The following CLSTN2 variants were observed in gnomAD, a reference collection of about 807,000 sequenced individuals.
CLSTN2 encodes the protein calsyntenin-2.
CLSTN2 carries 48 observed loss-of-function variants against 101.2 expected under a neutral mutation model. The observed-to-expected ratio is 0.47, with a 90% confidence interval of 0.38 to 0.60. The LOEUF is 0.60. Ranked by LOEUF, CLSTN2 falls within the 20% of genes least tolerant of loss-of-function variation. The pLI is 0.00. For synonymous variants in CLSTN2, 481 were observed against 463.6 expected, an observed-to-expected ratio of 1.04 and a Z score of -0.48; for missense variants, 1,160 against 1,238.2, an observed-to-expected ratio of 0.94 and a Z score of 0.95.
chr3:140,320,616 G>C (rs192066805), intron 2 of CLSTN2, among the ~76,000 whole-genome samples: 12 of 148,510 alleles, frequency 8.1e-5, no homozygotes, highest in Non-Finnish European at 1.2e-4. Context: ...TTTTGCGGGG[G>C]GGGGCAGGGG....
intron 4 of CLSTN2, among the ~76,000 whole-genome samples, chr3:140,406,540 T>G (rs906597942): frequency 2.0e-5 from 3 of 152,334 alleles, no homozygotes; most frequent in Middle Eastern, 6.8e-3. Context: ...AAGGTAATTT[T>G]AATTAGTAGA....
intron 1 of CLSTN2, among the ~76,000 whole-genome samples, chr3:140,018,227 C>T (rs1560071157): frequency 6.6e-6 from 1 of 152,162 alleles, no homozygotes; most frequent in Non-Finnish European, 1.5e-5. Flanking sequence ...TGTGACATTA[C>T]GCTTCTATTC....
intron 1 of CLSTN2, among the ~76,000 whole-genome samples, chr3:140,086,122 A>G (rs541389619): frequency 1.3e-5 from 2 of 152,346 alleles, no homozygotes; most frequent in East Asian, 3.9e-4. Flanking sequence ...TATGCCAATG[A>G]CAGGAATGAC....
At chr3:140,372,057 TC>T (rs2087863887) in intron 2 of CLSTN2, among the ~76,000 whole-genome samples, 1 of 152,122 alleles carries the variant, frequency 6.6e-6, no homozygotes, top group Non-Finnish European at 1.5e-5. Flanking sequence ...GGTGGGGATA[TC>T]CCAAACCTGA....
chr3:140,368,716 G>A (rs1322827137), intron 2 of CLSTN2, among the ~76,000 whole-genome samples: 1 of 152,142 alleles, frequency 6.6e-6, no homozygotes, highest in East Asian at 1.9e-4. Flanking sequence ...TGCAAAGACT[G>A]GTCAGGACTT....
At chr3:140,503,032 G>A (rs1313982269) in intron 8 of CLSTN2, among the ~76,000 whole-genome samples, 4 of 152,102 alleles carry the variant, frequency 2.6e-5, no homozygotes, top group South Asian at 2.1e-4. Context: ...TTTACAACAC[G>A]CCATGGCTTA....
At chr3:140,227,333 A>G (rs1319188329) in intron 2 of CLSTN2, among the ~76,000 whole-genome samples, 3 of 151,916 alleles carry the variant, frequency 2.0e-5, no homozygotes, top group Admixed American at 2.0e-4. Context: ...AAATCTTAAA[A>G]CTCTGAAATG....
chr3:140,032,556 C>T (rs192542300), intron 1 of CLSTN2, among the ~76,000 whole-genome samples: 221 of 152,178 alleles, frequency 1.5e-3, no homozygotes, highest in African/African-American at 5.2e-3. Context: ...AGGCTGGTCT[C>T]GAACTCCTGA....
At chr3:140,237,944 G>T (rs1244206196) in intron 2 of CLSTN2, among the ~76,000 whole-genome samples, 1 of 152,114 alleles carries the variant, frequency 6.6e-6, no homozygotes, top group Non-Finnish European at 1.5e-5. Context: ...TTTAGGCTCT[G>T]CTGTCTCAAA....
chr3:140,470,014 T>C (rs1037296442), intron 8 of CLSTN2, among the ~76,000 whole-genome samples: 10 of 152,168 alleles, frequency 6.6e-5, no homozygotes, highest in African/African-American at 1.9e-4. Flanking sequence ...TTACCACCAG[T>C]GGATTTGTAA....
intron 2 of CLSTN2, among the ~76,000 whole-genome samples, chr3:140,273,317 A>C (rs1285140299): frequency 2.6e-5 from 4 of 152,140 alleles, no homozygotes; most frequent in Admixed American, 1.3e-4. Flanking sequence ...ACCATGGCAC[A>C]TGTATACCTA....
chr3:140,062,364 T>C (rs753875794), intron 1 of CLSTN2, among the ~76,000 whole-genome samples: 5 of 152,202 alleles, frequency 3.3e-5, no homozygotes, highest in African/African-American at 7.2e-5. Context: ...AGATATTATA[T>C]TGAAGTATTC....
chr3:140,368,157 G>A (rs535002912), intron 2 of CLSTN2, among the ~76,000 whole-genome samples: 1 of 152,286 alleles, frequency 6.6e-6, no homozygotes, highest in Admixed American at 6.5e-5. Context: ...CCTGAGGATG[G>A]CCATGGTCAA....
chr3:140,002,620 C>T (rs777639830), intron 1 of CLSTN2, among the ~76,000 whole-genome samples: 5 of 152,122 alleles, frequency 3.3e-5, no homozygotes, highest in Admixed American at 6.6e-5. Flanking sequence ...GGGTATTACT[C>T]AGTGAATTTT....
At chr3:140,513,583 C>CTTTTTTTTTTTTTTTTTTTTT (rs55778787) in intron 8 of CLSTN2, among the ~76,000 whole-genome samples, 5 of 117,752 alleles carry the variant, frequency 4.2e-5, no homozygotes, top group African/African-American at 6.6e-5. Context: ...TTTTTTCTTT[C>CTTTTTTTTTTTTTTTTTTTTT]TTTTTTTTTT....
intron 1 of CLSTN2, among the ~76,000 whole-genome samples, chr3:140,014,151 G>A (rs73867259): frequency 0.011 from 1,655 of 152,308 alleles, 35 homozygotes; most frequent in African/African-American, 0.038. Context: ...GCCCTTTGGG[G>A]AACCTTGAGT....
At chr3:140,436,195 G>A (rs905314603) in intron 5 of CLSTN2, among the ~76,000 whole-genome samples, 3 of 152,134 alleles carry the variant, frequency 2.0e-5, no homozygotes, top group Admixed American at 6.5e-5. Context: ...AATGTTTTCT[G>A]ATAGCTGTTT....
At chr3:140,142,065 C>T (rs1373993927) in intron 1 of CLSTN2, among the ~76,000 whole-genome samples, 3 of 152,218 alleles carry the variant, frequency 2.0e-5, no homozygotes, top group African/African-American at 7.2e-5. Context: ...CAGCATTCTT[C>T]CTGGCCTCAG....
At chr3:139,952,743 C>T (rs924738813) in intron 1 of CLSTN2, among the ~76,000 whole-genome samples, 7 of 152,120 alleles carry the variant, frequency 4.6e-5, no homozygotes, top group African/African-American at 1.4e-4. Context: ...CCCATTTCAC[C>T]GTCGTCTCAC....
Sources: gnomAD v4.1 joint callset for allele counts (sites outside exome capture counted in the v4.1 genomes callset) on GRCh38, gnomAD v4.1.1 for gene constraint, MANE v1.5 for transcripts, NCBI Gene and HGNC (gene_info 2026-07-23, HGNC 2026-07-21) for gene names.